CPAMD8: variants seen among roughly 807,000 people sequenced by gnomAD.
CPAMD8 encodes C3 and PZP like alpha-2-macroglobulin domain containing 8, also known as C3 and PZP-like alpha-2-macroglobulin domain-containing protein 8.
A neutral mutation model predicts 224.7 loss-of-function variants in CPAMD8; 146 were observed. That is an observed-to-expected ratio of 0.65 (90% CI 0.57 to 0.75). CPAMD8 has a LOEUF of 0.75. Among genes scored for constraint, CPAMD8 ranks in the 30% least tolerant of loss-of-function variants. CPAMD8 has a pLI of 0.00. For missense variants in CPAMD8, 2,301 were observed against 2,537.5 expected, an observed-to-expected ratio of 0.91 and a Z score of 2.00; for synonymous variants, 966 against 1,044.6, an observed-to-expected ratio of 0.92 and a Z score of 1.45.
chr19:16,979,551 T>TCCACCTATCCATCCATCCATCC (rs1568556723), intron 14 of CPAMD8, among the ~76,000 whole-genome samples: 4 of 150,068 alleles, frequency 2.7e-5, no homozygotes, highest in African/African-American at 9.8e-5. Flanking sequence ...TTCATCCATC[T>TCCACCTATCCATCCATCCATCC]ATCCACCTAT....
At chr19:16,981,189 A>G (rs2055501785) in intron 13 of CPAMD8, among the ~76,000 whole-genome samples, 1 of 151,822 alleles carries the variant, frequency 6.6e-6, no homozygotes, top group African/African-American at 2.4e-5. Context: ...CCCCATCTCT[A>G]CAAAAAGCAC....
intron 3 of CPAMD8, among the ~76,000 whole-genome samples, chr19:17,014,000 T>C (rs1432991452): frequency 3.9e-5 from 5 of 126,914 alleles, no homozygotes; most frequent in Admixed American, 8.7e-5. Context: ...TACACATTCC[T>C]TCCCTCCCTC....
intron 1 of CPAMD8, among the ~76,000 whole-genome samples, chr19:17,022,647 T>TGCC (rs1231266317): frequency 6.6e-6 from 1 of 152,088 alleles, no homozygotes; most frequent in African/African-American, 2.4e-5. Flanking sequence ...TATAGGTGCC[T>TGCC]GCCACCACGG....
chr19:16,968,478 G>T (rs2054935315), intron 18 of CPAMD8, among the ~76,000 whole-genome samples: 1 of 152,054 alleles, frequency 6.6e-6, no homozygotes, highest in East Asian at 1.9e-4. Flanking sequence ...AGGTTTCCTG[G>T]ACAGGTCATA....
At chr19:16,953,064 T>C (rs1207470853) in intron 19 of CPAMD8, among the ~76,000 whole-genome samples, 1 of 152,126 alleles carries the variant, frequency 6.6e-6, no homozygotes, top group African/African-American at 2.4e-5. Context: ...GGAATAAACC[T>C]TGACGACACA....
intron 32 of CPAMD8, 50 bp downstream of exon 32, chr19:16,904,176 A>ACGGCCCCC: frequency 1.7e-5 from 16 of 937,336 alleles, no homozygotes; most frequent in East Asian, 2.6e-5. Context: ...GACTGCAGGG[A>ACGGCCCCC]CCCCACCCAC....
intron 23 of CPAMD8, among the ~76,000 whole-genome samples, chr19:16,930,305 G>A (rs1432291521): frequency 6.6e-6 from 1 of 151,856 alleles, no homozygotes; most frequent in African/African-American, 2.4e-5. Flanking sequence ...CACACTCTCT[G>A]ACACTGAGAC....
chr19:16,967,168 G>C (rs1057004580), intron 18 of CPAMD8, among the ~76,000 whole-genome samples: 17 of 152,032 alleles, frequency 1.1e-4, no homozygotes, highest in African/African-American at 4.1e-4. Context: ...CATAAAAAAG[G>C]ATGCGTTCAT....
rs528886745 is a variant in CPAMD8 at position 16,974,162 on chromosome 19, C to T, written c.2070+935G>A. Among the ~76,000 whole-genome samples the T allele has an allele frequency of 5.3e-3, 796 of 151,468 alleles. 3 individuals are homozygous for T. Among genetic ancestry groups the T allele is most frequent in the Non-Finnish European group, 7.9e-3 (538 of 67,830 alleles). ...CCTTTTTTTTTTTGAGACGGAGTCTCGCTCTGTCGCCCAGGCTGGAGTGCA... is the reference window on the plus strand; with the variant it reads ...CCTTTTTTTTTTTGAGACGGAGTCTTGCTCTGTCGCCCAGGCTGGAGTGCA... On this transcript the variant is annotated intron_variant, in intron 17 of 41. Transcript: ENST00000443236.
At chr19:16,894,340 C>A (rs1254624025) in intron 41 of CPAMD8, 3 of 447,106 alleles carry the variant, frequency 6.7e-6, no homozygotes, top group Non-Finnish European at 1.4e-5. Context: ...GTCTGCCCAC[C>A]CACCATACAG....
chr19:17,006,738 C>T (rs2056502744), intron 7 of CPAMD8, among the ~76,000 whole-genome samples: 1 of 152,026 alleles, frequency 6.6e-6, no homozygotes, highest in Non-Finnish European at 1.5e-5. Flanking sequence ...GGCTGTCCCC[C>T]GTTCCTTCTT....
At chr19:16,970,001 A>G (rs1296038735) in intron 18 of CPAMD8, among the ~76,000 whole-genome samples, 1 of 150,608 alleles carries the variant, frequency 6.6e-6, no homozygotes, top group African/African-American at 2.4e-5. Context: ...TTGGGAAGCC[A>G]AGGTGGGCGA....
intron 27 of CPAMD8, among the ~76,000 whole-genome samples, chr19:16,918,660 T>C (rs951541790): frequency 1.3e-5 from 2 of 151,852 alleles, no homozygotes; most frequent in East Asian, 1.9e-4. Flanking sequence ...TTTCTCAGGC[T>C]GGTCTCCGAC....
intron 18 of CPAMD8, among the ~76,000 whole-genome samples, chr19:16,969,552 T>C (rs531918195): frequency 7.9e-5 from 12 of 151,680 alleles, no homozygotes; most frequent in African/African-American, 2.6e-4. Flanking sequence ...GTTATGAAAG[T>C]GGATTGCTCA....
intron 25 of CPAMD8, among the ~76,000 whole-genome samples, chr19:16,927,239 T>A (rs1292210504): frequency 6.6e-6 from 1 of 151,956 alleles, no homozygotes; most frequent in Admixed American, 6.6e-5. Context: ...GGGGGCGGCT[T>A]CCCCATACTG....
At chr19:16,986,928 G>A (rs144256787) in intron 13 of CPAMD8, among the ~76,000 whole-genome samples, 2 of 151,674 alleles carry the variant, frequency 1.3e-5, no homozygotes, top group Admixed American at 6.6e-5. Flanking sequence ...GGCCGAAGAG[G>A]GTGGATCACC....
At chr19:16,961,328 C>T (rs1286689749) in intron 18 of CPAMD8, among the ~76,000 whole-genome samples, 2 of 152,258 alleles carry the variant, frequency 1.3e-5, no homozygotes, top group Non-Finnish European at 2.9e-5. Context: ...GAGCTTTTCC[C>T]ATGGTCTTAG....
At chr19:16,906,192 G>A (rs546710283) in intron 30 of CPAMD8, among the ~76,000 whole-genome samples, 67 of 152,192 alleles carry the variant, frequency 4.4e-4, no homozygotes, top group African/African-American at 1.6e-3. Context: ...TAGCAGATGC[G>A]ATAATGAATG....
intron 41 of CPAMD8, chr19:16,895,120 AAAG>A: frequency 6.5e-6 from 1 of 152,982 alleles, no homozygotes; most frequent in South Asian, 2.1e-4. Context: ...TTGAAAAATA[AAAG>A]AATAGGCCTG....
Sources: gnomAD v4.1 joint callset for allele counts (sites outside exome capture counted in the v4.1 genomes callset) on GRCh38, gnomAD v4.1.1 for gene constraint, MANE v1.5 for transcripts, NCBI Gene and HGNC (gene_info 2026-07-23, HGNC 2026-07-21) for gene names.